Variants in AASDHPPT observed in about 807,000 individuals in gnomAD.
AASDHPPT encodes L-aminoadipate-semialdehyde dehydrogenase-phosphopantetheinyl transferase.
A neutral mutation model predicts 36.4 loss-of-function variants in AASDHPPT; 23 were observed. The observed-to-expected ratio is 0.63, with a 90% CI of 0.45 to 0.89. AASDHPPT has a LOEUF of 0.89. AASDHPPT is among the 40% of genes least tolerant of loss of function. AASDHPPT has a pLI of 0.00. For synonymous variants in AASDHPPT, 115 were observed against 128.0 expected, an observed-to-expected ratio of 0.90 and a Z score of 0.68; for missense variants, 377 against 378.2, an observed-to-expected ratio of 1.00 and a Z score of 0.03.
chr11:106,078,775 A>G (rs1310984155), intron 1 of AASDHPPT, among the ~76,000 whole-genome samples: 4 of 152,226 alleles, frequency 2.6e-5, no homozygotes, highest in Non-Finnish European at 4.4e-5. Flanking sequence ...TATTTTTAAA[A>G]ATATATACTT....
At chr11:106,079,957 TTTTTGAATTATACTTCAATTTATTTCAC>T (rs1179617197) in intron 2 of AASDHPPT, among the ~76,000 whole-genome samples, 1 of 152,244 alleles carries the variant, frequency 6.6e-6, no homozygotes, top group Admixed American at 6.5e-5. Context: ...AGTGAAATTT[TTTTTGAATTATACTTCAATTTATTTCAC>T]TTAAACATTA....
At position 106,091,470 on chromosome 11, in the gene AASDHPPT, C is replaced by T; in HGVS notation, c.686C>T (p.Ala229Val). The change falls in exon 4 of 6, where the codon GCA (alanine) becomes GTA (valine). Residue 229 changes from alanine to valine, a missense_variant. Physicochemically the swap from Ala to Val is moderately conservative, Grantham distance 64. Transcript: ENST00000278618. ...FLDGEEEKEW[A>V]FEESKIDEHH... ...GATGGAGAGGAAGAAAAAGAATGGG[C>T]ATTTGAGGTAAGAAATTTGTTAGAA... 6.4e-7 allele frequency: 1 copy of T among 1,569,638 alleles called. No homozygotes were observed. The highest frequency in any genetic ancestry group is 8.6e-7 in the Non-Finnish European group (1 of 1,165,108).
chr11:106,079,713 T>C (rs1359339066), intron 2 of AASDHPPT, 21 bp downstream of exon 2: 1 of 1,598,906 alleles, frequency 6.3e-7, no homozygotes, highest in Non-Finnish European at 8.6e-7. Flanking sequence ...ATTTTTCTAG[T>C]ATGGCAGTTA....
intron 4 of AASDHPPT, chr11:106,092,551 T>TAG (rs796824254): frequency 2.6e-5 from 4 of 152,156 alleles, no homozygotes; most frequent in African/African-American, 9.6e-5. Context: ...AACTGTGAGA[T>TAG]TACCTAAGGA....
At chr11:106,085,751 G>T (rs556506607) in intron 2 of AASDHPPT, among the ~76,000 whole-genome samples, 3 of 152,182 alleles carry the variant, frequency 2.0e-5, no homozygotes, top group Non-Finnish European at 4.4e-5. Context: ...ATAGTTCCAG[G>T]CATTTTACAT....
intron 2 of AASDHPPT, among the ~76,000 whole-genome samples, chr11:106,088,277 A>G (rs1012047688): frequency 2.0e-5 from 3 of 151,912 alleles, no homozygotes; most frequent in South Asian, 2.1e-4. Flanking sequence ...TGATTGCCCC[A>G]TCTTATTTAG....
chr11:106,088,938 C>T (rs1163033342), intron 2 of AASDHPPT, among the ~76,000 whole-genome samples: 1 of 151,920 alleles, frequency 6.6e-6, no homozygotes, highest in South Asian at 2.1e-4. Flanking sequence ...ACTCTTGAAG[C>T]GGGAGTACTG....
At position 106,077,790 on chromosome 11, in the gene AASDHPPT, T is replaced by TGCCGA. The variant is rs756159786; in HGVS notation, c.91_95dup (p.Trp33ProfsTer35). On this transcript the variant is annotated frameshift_variant, in exon 1 of 6. Transcript: ENST00000278618. LOFTEE classifies it high-confidence loss of function. ...TGGGCCTTTTCCTGCGGCACTTGGC[T>TGCCGA]GCCGAGCCGAGCCGAATGGCTGCTG... 1.1e-5 allele frequency: 17 copies of TGCCGA among 1,614,004 alleles called. No homozygotes were observed. The highest frequency in any genetic ancestry group is 1.3e-5 in the African/African-American group (1 of 74,932).
Position 106,097,131 on chromosome 11 carries a change from T to C in AASDHPPT, c.*224T>C, listed in dbSNP as rs1861323718. ...AATTGCATTGAATTGATAGGAAGGA[T>C]GGCGGAATCTTAAAGTGATACATGC... On this transcript the variant is annotated 3_prime_UTR_variant, in exon 6 of 6. Coordinates refer to ENST00000278618, the MANE Select transcript of AASDHPPT (RefSeq NM_015423.3). The C allele has an allele frequency of 2.4e-6, 1 of 413,980 alleles. No individual in the cohort carries two copies. Among genetic ancestry groups the C allele is most frequent in the Non-Finnish European group, 4.2e-6 (1 of 238,368 alleles). 25.6% of individuals were successfully genotyped at this position (413,980 alleles called of 1,614,324 possible). A position where few individuals can be genotyped will look rare whatever the true frequency, so the allele number is the denominator to read the frequency against.
chr11:106,091,324 G>A lies in AASDHPPT; in HGVS notation c.540G>A (p.Lys180=). The stretch of plus-strand genomic sequence containing the variant: ...GTCTTTCTGTATCTTAGGCACTTAA[G>A]GAAAGCTTCATAAAAGCCATTGGTG... ...LDMFYRNWAL[K]ESFIKAIGVG... The change falls in exon 4 of 6, where the codon AAG becomes AAA. Residue 180 remains lysine (K), a synonymous_variant. Transcript: ENST00000278618. The A allele has an allele frequency of 6.3e-7, 1 of 1,590,868 alleles. No homozygotes were observed. Among genetic ancestry groups the A allele is most frequent in the Non-Finnish European group, 8.5e-7 (1 of 1,173,560 alleles).
At position 106,097,907 on chromosome 11, in the gene AASDHPPT, T is replaced by TA; in HGVS notation, c.*1001dup. 1 of 152,156 alleles carries TA rather than the reference T, an allele frequency of 6.6e-6. No homozygotes were observed. The highest frequency in any genetic ancestry group is 6.6e-5 in the Admixed American group (1 of 15,262). 9.4% of individuals were successfully genotyped at this position (152,156 alleles called of 1,614,324 possible). A position where few individuals can be genotyped will look rare whatever the true frequency, so the allele number is the denominator to read the frequency against. ...ATAATTTACTCACTTTTTTCTGTGT[T>TA]AGACATTTTGATTATCTGCAGTTTA... is the stretch of plus-strand genomic sequence containing the variant. On this transcript the variant is annotated 3_prime_UTR_variant, in exon 6 of 6. Transcript: ENST00000278618.
At position 106,079,552 on chromosome 11, in the gene AASDHPPT, G is replaced by A; in HGVS notation, c.269G>A (p.Gly90Glu). 6.2e-7 allele frequency: 1 copy of A among 1,614,090 alleles called. No individual in the cohort carries two copies. Among genetic ancestry groups the A allele is most frequent in the Non-Finnish European group, 8.5e-7 (1 of 1,180,000 alleles). ...ATTCGTTTGCAAAGAACTGCAAAAG[G>A]AAAACCAGTTCTTGCAAAGGACTCA... is the stretch of plus-strand genomic sequence containing the variant. Reference protein sequence around the residue: ...NHIRLQRTAKGKPVLAKDSSN... With the variant: ...NHIRLQRTAKEKPVLAKDSSN... The change falls in exon 2 of 6, where the codon GGA becomes GAA. Residue 90 changes from glycine (G) to glutamate (E), a missense_variant. Physicochemically the swap from Gly to Glu is moderately conservative, Grantham distance 98 (BLOSUM62 -2). Transcript: ENST00000278618.
intron 2 of AASDHPPT, among the ~76,000 whole-genome samples, chr11:106,082,264 C>G (rs1430645517): frequency 6.6e-6 from 1 of 152,082 alleles, no homozygotes; most frequent in African/African-American, 2.4e-5. Flanking sequence ...GCTACTGATT[C>G]CTGAAGCATC....
chr11:106,083,761 G>T (rs553616192), intron 2 of AASDHPPT, among the ~76,000 whole-genome samples: 1 of 152,208 alleles, frequency 6.6e-6, no homozygotes, highest in Non-Finnish European at 1.5e-5. Context: ...ACACCAATTT[G>T]GAGGAATTAG....
At chr11:106,083,143 C>T (rs1189004382) in intron 2 of AASDHPPT, among the ~76,000 whole-genome samples, 1 of 152,118 alleles carries the variant, frequency 6.6e-6, no homozygotes, top group Non-Finnish European at 1.5e-5. Flanking sequence ...CAAGTCTCCA[C>T]CCTCAAGGAG....
rs138269559 is a variant in AASDHPPT, at chr11:106,079,531, G to A, written c.248G>A (p.Arg83His). Reference protein sequence around the residue: ...EKLNIPWNHIRLQRTAKGKPV... With the variant: ...EKLNIPWNHIHLQRTAKGKPV... Reference sequence around the variant, plus strand: ...TTGAATATCCCTTGGAATCATATTCGTTTGCAAAGAACTGCAAAAGGAAAA... The same window carrying A: ...TTGAATATCCCTTGGAATCATATTCATTTGCAAAGAACTGCAAAAGGAAAA... Residue 83 changes from arginine to histidine, a missense_variant, in exon 2 of 6, where the codon CGT becomes CAT. Physicochemically the swap from Arg to His is conservative, Grantham distance 29. Coordinates refer to ENST00000278618, the MANE Select transcript of AASDHPPT (RefSeq NM_015423.3). The A allele has an allele frequency of 3.5e-5, 57 of 1,614,070 alleles. 1 individual carries two copies. In the Admixed American group the frequency reaches 4.8e-4, roughly 14 times the overall value.
chr11:106,094,997 C>T (rs1360806315), intron 5 of AASDHPPT, among the ~76,000 whole-genome samples: 7 of 151,912 alleles, frequency 4.6e-5, no homozygotes, highest in African/African-American at 7.3e-5. Flanking sequence ...TGGTGGCGGG[C>T]GCCTGTAATC....
chr11:106,078,015 C>A, intron 1 of AASDHPPT, 122 bp downstream of exon 1: 1 of 1,268,464 alleles, frequency 7.9e-7, no homozygotes, highest in Non-Finnish European at 1.1e-6. Flanking sequence ...AGCCTGTGGC[C>A]GGCCCGGGCG....
intron 2 of AASDHPPT, among the ~76,000 whole-genome samples, chr11:106,086,649 G>A (rs988167344): frequency 2.6e-5 from 4 of 152,062 alleles, no homozygotes; most frequent in Non-Finnish European, 5.9e-5. Flanking sequence ...TCTCATGTAA[G>A]TGTTAATATC....
Sources: allele counts gnomAD v4.1 joint callset (sites outside exome capture counted in the v4.1 genomes callset), GRCh38; gene constraint gnomAD v4.1.1; transcripts MANE v1.5; gene names NCBI Gene and HGNC (gene_info 2026-07-23, HGNC 2026-07-21).